SOWAHB: variants seen among roughly 807,000 people sequenced by gnomAD.
SOWAHB encodes the protein sosondowah ankyrin repeat domain family member B.
A neutral mutation model predicts 18.3 loss-of-function variants in SOWAHB; 17 were observed. The observed-to-expected ratio is 0.93, with a 90% CI of 0.64 to 1.40. The LOEUF (loss-of-function observed/expected upper bound fraction) is 1.40. Among genes scored for constraint, SOWAHB ranks in the 40% most tolerant of loss-of-function variants. The pLI is 0.00. For missense variants in SOWAHB, 1,126 were observed against 1,033.7 expected (o/e 1.09, Z -1.22); for synonymous variants, 496 against 448.1 (o/e 1.11, Z -1.35).
chr4:76,896,969 A>C lies in SOWAHB; in HGVS notation c.881T>G (p.Leu294Arg), dbSNP rs1719934537. Residue 294 changes from leucine (L) to arginine (R), a missense_variant, in exon 1 of 1, where the codon CTG becomes CGG. Leu to Arg is a moderately radical substitution (Grantham distance 102). Transcript: ENST00000334306. ...DRPELLTPSS[L>R]HYSTLQQQQQ... ...CTGCTGCTGCAGGGTCGAATAATGC[A>C]GGGAGCTGGGGGTCAGCAGCTCCGG... 1 of 1,595,202 alleles carries C rather than the reference A, an allele frequency of 6.3e-7. No homozygotes were observed. The highest frequency in any genetic ancestry group is 1.3e-5 in the African/African-American group (1 of 74,658).
In SOWAHB at chr4:76,897,579, C is replaced by G. The variant is rs747374033; in HGVS notation, c.271G>C (p.Glu91Gln). The change falls in exon 1 of 1, where the codon GAG becomes CAG. Residue 91 changes from glutamate to glutamine, a missense_variant. By Grantham distance (29) the Glu-to-Gln change is conservative. Coordinates refer to ENST00000334306, the MANE Select transcript of SOWAHB (RefSeq NM_001029870.3). The surrounding 1 kb of genome is among the most constrained non-coding windows in gnomAD (Gnocchi z 6.4). ...GCACTGGGGGCGGCCGCGGGCGGCT[C>G]GCGGGGTCGCTGCAGCCCCTCCTCC... is the stretch of plus-strand genomic sequence containing the variant. Reference protein sequence around the residue: ...LGEEGLQRPREPPAAAPSAGG... With the variant: ...LGEEGLQRPRQPPAAAPSAGG... 6.2e-7 allele frequency: 1 copy of G among 1,602,028 alleles called. No homozygotes were observed. Among genetic ancestry groups the G allele is most frequent in the Non-Finnish European group, 8.5e-7 (1 of 1,177,690 alleles).
chr4:76,897,596 C>A lies in SOWAHB; in HGVS notation c.254G>T (p.Gly85Val). ...GGGCGGCTCGCGGGGTCGCTGCAGC[C>A]CCTCCTCCCCCAAAAGGTCCCTGTA... ...RRYRDLLGEE[G>V]LQRPREPPAA... The change falls in exon 1 of 1, where the codon GGG (glycine) becomes GTG (valine). Residue 85 changes from glycine (G) to valine (V), a missense_variant. Transcript: ENST00000334306. The surrounding 1 kb of genome is among the most constrained non-coding windows in gnomAD (Gnocchi z 6.4). The A allele has an allele frequency of 6.2e-7, 1 of 1,608,666 alleles. No individual in the cohort carries two copies. Among genetic ancestry groups the A allele is most frequent in the Non-Finnish European group, 8.5e-7 (1 of 1,179,454 alleles).
rs1217088495 is a variant in SOWAHB, at chr4:76,897,538, G to C, written c.312C>G (p.Pro104=). 3 of 1,474,070 alleles carry C rather than the reference G, an allele frequency of 2.0e-6. No homozygotes were observed. The highest frequency in any genetic ancestry group is 1.4e-5 in the South Asian group (1 of 73,754). The allele number at this position is 1,474,070 out of a possible 1,614,324, so 91.3% of individuals were successfully genotyped here. A position where few individuals can be genotyped will look rare whatever the true frequency, so the allele number is the denominator to read the frequency against. ...CCCGGCGCGCGCCTCGCGGGGAGCAGGGCGCAGCTCCCCCTGCACTGGGGG... is the reference window on the plus strand; with the variant it reads ...CCCGGCGCGCGCCTCGCGGGGAGCACGGCGCAGCTCCCCCTGCACTGGGGG... ...AAAPSAGGAA[P]CSPRGARRGE... Residue 104 remains proline (P), a synonymous_variant, in exon 1 of 1, where the codon CCC becomes CCG. Transcript: ENST00000334306. This position sits in a 1 kb window ranked among gnomAD's most constrained non-coding sequence, Gnocchi z 6.4.
chr4:76,897,574 C>A lies in SOWAHB; in HGVS notation c.276G>T (p.Pro92=), dbSNP rs1480967285. ...CCCCTGCACTGGGGGCGGCCGCGGG[C>A]GGCTCGCGGGGTCGCTGCAGCCCCT... The part of the protein sequence containing the change: ...GEEGLQRPRE[P]PAAAPSAGGA... Residue 92 remains proline, a synonymous_variant, in exon 1 of 1, where the codon CCG becomes CCT. Coordinates refer to ENST00000334306, the MANE Select transcript of SOWAHB (RefSeq NM_001029870.3). This position sits in a 1 kb window ranked among gnomAD's most constrained non-coding sequence, Gnocchi z 6.4. 2 of 1,598,632 alleles carry A rather than the reference C, an allele frequency of 1.3e-6. No individual in the cohort carries two copies. The highest frequency in any genetic ancestry group is 2.3e-5 in the East Asian group (1 of 44,400).
Position 76,897,372 on chromosome 4 carries a change from C to T in SOWAHB, c.478G>A (p.Gly160Ser), listed in dbSNP as rs1204233422. Reference protein sequence around the residue: ...GSDSRRAPGKGGGSKGSPGQR... With the variant: ...GSDSRRAPGKSGGSKGSPGQR... ...CCGGGACTGCCCTTCGATCCGCCGC[C>T]CTTCCCGGGCGCCCTACGGGAGTCG... The change falls in exon 1 of 1, where the codon GGC becomes AGC. Residue 160 changes from glycine (G) to serine (S), a missense_variant. Coordinates refer to ENST00000334306, the MANE Select transcript of SOWAHB (RefSeq NM_001029870.3). The surrounding 1 kb of genome is among the most constrained non-coding windows in gnomAD (Gnocchi z 6.4). The T allele has an allele frequency of 2.6e-6, 4 of 1,529,178 alleles. No homozygotes were observed. The highest frequency in any genetic ancestry group is 3.5e-6 in the Non-Finnish European group (4 of 1,144,680). 94.7% of individuals were successfully genotyped at this position (1,529,178 alleles called of 1,614,324 possible).
rs1719890391 is a variant in SOWAHB at position 76,895,609 on chromosome 4, G to A, written c.2241C>T (p.Ala747=). Reference sequence around the variant, plus strand: ...CACTTCTAGATATTTCCTTGCTCTTGGCCTTTCTGGTAGGGGAAGAACTTC... The same window carrying A: ...CACTTCTAGATATTTCCTTGCTCTTAGCCTTTCTGGTAGGGGAAGAACTTC... ...LVGSSSPTRK[A]KSKEISRSVT... The change falls in exon 1 of 1, where the codon GCC becomes GCT. Residue 747 remains alanine, a synonymous_variant. Coordinates refer to ENST00000334306, the MANE Select transcript of SOWAHB (RefSeq NM_001029870.3). 1 of 1,614,214 alleles carries A rather than the reference G, an allele frequency of 6.2e-7. No homozygotes were observed. Among genetic ancestry groups the A allele is most frequent in the Non-Finnish European group, 8.5e-7 (1 of 1,180,038 alleles).
rs1449659510 is a variant in SOWAHB, at chr4:76,895,650, CAG to C, written c.2198_2199del (p.Pro733ArgfsTer21). 6.2e-7 allele frequency: 1 copy of C among 1,614,216 alleles called. No homozygotes were observed. ...LGAPRGKPIF[P>X]VYPLVGSSSP... ...GAAGAACTTCCAACTAAGGGATAGACAGGGAAAATGGGCTTGCCCCGAGGAGC... is the reference window on the plus strand; with the variant it reads ...GAAGAACTTCCAACTAAGGGATAGACGGAAAATGGGCTTGCCCCGAGGAGC... On this transcript the variant is annotated frameshift_variant, in exon 1 of 1. Coordinates refer to ENST00000334306, the MANE Select transcript of SOWAHB (RefSeq NM_001029870.3). LOFTEE classifies it high-confidence loss of function.
chr4:76,894,898 G>A lies in SOWAHB; in HGVS notation c.*570C>T, dbSNP rs1462193049. ...ATTCAAAAGAAGACTTGAGAACAGG[G>A]CTGAGGAATCTCTTAAATCGAACTG... On this transcript the variant is annotated 3_prime_UTR_variant, in exon 1 of 1. Coordinates refer to ENST00000334306, the MANE Select transcript of SOWAHB (RefSeq NM_001029870.3). 1 of 152,244 alleles carries A rather than the reference G, an allele frequency of 6.6e-6. No individual in the cohort carries two copies. The highest frequency in any genetic ancestry group is 1.5e-5 in the Non-Finnish European group (1 of 68,100). The allele number at this position is 152,244 out of a possible 1,614,324, so 9.4% of individuals were successfully genotyped here.
rs375694665 is a variant in SOWAHB at position 76,897,736 on chromosome 4, G to A, written c.114C>T (p.Asp38=). ...SHFKSFLRDP[D]ASPSQHQHRR... is the part of the protein sequence containing the mutation. ...GGTGCTGGTGCTGGCTGGGGGACGC[G>A]TCGGGGTCTCGGAGAAAGCTCTTGA... is the stretch of plus-strand genomic sequence containing the variant. Residue 38 remains aspartate (D), a synonymous_variant, in exon 1 of 1, where the codon GAC becomes GAT. Coordinates refer to ENST00000334306, the MANE Select transcript of SOWAHB (RefSeq NM_001029870.3). The surrounding 1 kb of genome is among the most constrained non-coding windows in gnomAD (Gnocchi z 6.4). The A allele has an allele frequency of 1.2e-5, 20 of 1,609,554 alleles. No homozygotes were observed. Among genetic ancestry groups the A allele is most frequent in the Non-Finnish European group, 1.4e-5 (17 of 1,179,896 alleles).
chr4:76,895,840 T>C lies in SOWAHB; in HGVS notation c.2010A>G (p.Gly670=), dbSNP rs746642863. 2.5e-6 allele frequency: 4 copies of C among 1,614,104 alleles called. No individual in the cohort carries two copies. The African/African-American group carries it at 5.3e-5, about 22-fold the overall frequency. The stretch of plus-strand genomic sequence containing the variant: ...TGGCTGCAAGGTGCAGCGGGGTATA[T>C]CCACAACTGGACCTCACGTTTACAT... ...VLDVNVRSSC[G]YTPLHLAAIH... is the part of the protein sequence containing the mutation. The change falls in exon 1 of 1, where the codon GGA becomes GGG. Residue 670 remains glycine, a synonymous_variant. Transcript: ENST00000334306.
chr4:76,898,125 G>A lies in SOWAHB; in HGVS notation c.-276C>T, dbSNP rs1719982611. On this transcript the variant is annotated 5_prime_UTR_variant, in exon 1 of 1. Transcript: ENST00000334306. ...CTGCGCGACTCTAGCCTCTCGCAAC[G>A]AGTCCTCACAGCGAAAGTTCCCGGG... 2.3e-6 allele frequency: 1 copy of A among 432,532 alleles called. No homozygotes were observed. Among genetic ancestry groups the A allele is most frequent in the African/African-American group, 2.1e-5 (1 of 47,488 alleles). 26.8% of individuals were successfully genotyped at this position (432,532 alleles called of 1,614,324 possible).
rs546959584 is a variant in SOWAHB at position 76,894,399 on chromosome 4, A to G, written c.*1069T>C. 6.6e-6 allele frequency among the ~76,000 whole-genome samples: 1 copy of G among 152,346 alleles called. No individual in the cohort carries two copies. The highest frequency in any genetic ancestry group is 2.1e-4 in the South Asian group (1 of 4,824). On this transcript the variant is annotated 3_prime_UTR_variant, in exon 1 of 1. Transcript: ENST00000334306. ...ACTCACAAGTTATCGGTCTCTTCAA[A>G]AGCAATTAAAAAGGAGCACTTCATG...
Position 76,895,831 on chromosome 4 carries a change from C to G in SOWAHB, c.2019G>C (p.Pro673=). 5.0e-6 allele frequency: 8 copies of G among 1,614,248 alleles called. No homozygotes were observed. Among genetic ancestry groups the G allele is most frequent in the Non-Finnish European group, 6.8e-6 (8 of 1,180,048 alleles). The part of the protein sequence containing the change: ...VNVRSSCGYT[P]LHLAAIHGHQ... ...GGCCGTGAATGGCTGCAAGGTGCAG[C>G]GGGGTATATCCACAACTGGACCTCA... The change falls in exon 1 of 1, where the codon CCG becomes CCC. Residue 673 remains proline (P), a synonymous_variant. Coordinates refer to ENST00000334306, the MANE Select transcript of SOWAHB (RefSeq NM_001029870.3).
chr4:76,897,702 G>A lies in SOWAHB; in HGVS notation c.148C>T (p.Leu50Phe). The A allele has an allele frequency of 6.2e-7, 1 of 1,611,584 alleles. No individual in the cohort carries two copies. Among genetic ancestry groups the A allele is most frequent in the Non-Finnish European group, 8.5e-7 (1 of 1,179,892 alleles). ...SPSQHQHRRE[L>F]FKGFVNSVAA... ...ACCGAGTTGACGAAGCCCTTGAAGAGCTCGCGGCGGTGCTGGTGCTGGCTG... is the reference window on the plus strand; with the variant it reads ...ACCGAGTTGACGAAGCCCTTGAAGAACTCGCGGCGGTGCTGGTGCTGGCTG... Residue 50 changes from leucine to phenylalanine, a missense_variant, in exon 1 of 1, where the codon CTC becomes TTC. By Grantham distance (22) the Leu-to-Phe change is conservative (BLOSUM62 0). Transcript: ENST00000334306. This position sits in a 1 kb window ranked among gnomAD's most constrained non-coding sequence, Gnocchi z 6.4.
In SOWAHB at chr4:76,895,724, T is replaced by C. The variant is rs1719894262; in HGVS notation, c.2126A>G (p.Gln709Arg). ...CCCAGAGGTATTACTGGTTAGATAC[T>C]GCCATGGCTTCTTCCCACTGCTGTC... Reference protein sequence around the residue: ...VRDSSGKKPWQYLTSNTSGEI... With the variant: ...VRDSSGKKPWRYLTSNTSGEI... Residue 709 changes from glutamine (Q) to arginine (R), a missense_variant, in exon 1 of 1, where the codon CAG (glutamine) becomes CGG (arginine). Coordinates refer to ENST00000334306, the MANE Select transcript of SOWAHB (RefSeq NM_001029870.3). 11 of 1,614,130 alleles carry C rather than the reference T, an allele frequency of 6.8e-6. No homozygotes were observed. The highest frequency in any genetic ancestry group is 1.6e-4 in the Middle Eastern group (1 of 6,084).
rs780804481 is a variant in SOWAHB at position 76,896,764 on chromosome 4, AAAG to A, written c.1083_1085del (p.Phe362del). On this transcript the variant is annotated inframe_deletion, in exon 1 of 1. Transcript: ENST00000334306. Reference sequence around the variant, plus strand: ...CCCAGGACTCATCCGGAACAACAGGAAAGAGAGAGTGCGAGGAAAGACAGGGGT... The same window carrying A: ...CCCAGGACTCATCCGGAACAACAGGAAGAGAGTGCGAGGAAAGACAGGGGT... 1 of 1,613,902 alleles carries A rather than the reference AAAG, an allele frequency of 6.2e-7. No individual in the cohort carries two copies. Among genetic ancestry groups the A allele is most frequent in the South Asian group, 1.1e-5 (1 of 91,084 alleles).
Position 76,894,388 on chromosome 4 carries a change from G to A in SOWAHB, c.*1080C>T, listed in dbSNP as rs1418166044. Among the ~76,000 whole-genome samples, 2 of 152,176 alleles carry A rather than the reference G, an allele frequency of 1.3e-5. No individual in the cohort carries two copies. Among genetic ancestry groups the A allele is most frequent in the African/African-American group, 4.8e-5 (2 of 41,492 alleles). On this transcript the variant is annotated 3_prime_UTR_variant, in exon 1 of 1. Transcript: ENST00000334306. ...TCACTCCATGAACTCACAAGTTATC[G>A]GTCTCTTCAAAAGCAATTAAAAAGG...
rs1406217574 is a variant in SOWAHB at position 76,897,113 on chromosome 4, A to G, written c.737T>C (p.Leu246Pro). 5 of 1,538,402 alleles carry G rather than the reference A, an allele frequency of 3.3e-6. No individual in the cohort carries two copies. In the South Asian group the frequency reaches 4.7e-5, roughly 15 times the overall value. ...TGCAGGCACAGGCGCCGGCTCAGCT[A>G]GCGCGCCTTCTTCCCGCTCCCTGGA... ...GASREREEGA[L>P]AEPAPVPAVA... Residue 246 changes from leucine to proline, a missense_variant, in exon 1 of 1, where the codon CTA becomes CCA. Physicochemically the swap from Leu to Pro is moderately conservative, Grantham distance 98. Coordinates refer to ENST00000334306, the MANE Select transcript of SOWAHB (RefSeq NM_001029870.3). This position sits in a 1 kb window ranked among gnomAD's most constrained non-coding sequence, Gnocchi z 6.4.
Position 76,897,851 on chromosome 4 carries a change from G to A in SOWAHB, c.-2C>T, listed in dbSNP as rs747600929. On this transcript the variant is annotated 5_prime_UTR_variant, in exon 1 of 1. Coordinates refer to ENST00000334306, the MANE Select transcript of SOWAHB (RefSeq NM_001029870.3). This position sits in a 1 kb window ranked among gnomAD's most constrained non-coding sequence, Gnocchi z 6.4. ...CTCCTGGCTCAGCTCTCGGGCCATC[G>A]CTGCCTTGTCCTCCGCCCCAGAGGT... 6.3e-7 allele frequency: 1 copy of A among 1,594,666 alleles called. No homozygotes were observed. The highest frequency in any genetic ancestry group is 8.5e-7 in the Non-Finnish European group (1 of 1,178,206).
Sources: allele counts gnomAD v4.1 joint callset (sites outside exome capture counted in the v4.1 genomes callset), GRCh38; gene constraint gnomAD v4.1.1; non-coding constraint Gnocchi (gnomAD v3.1); transcripts MANE v1.5; gene names NCBI Gene and HGNC (gene_info 2026-07-23, HGNC 2026-07-21).